The following CHST9 variants were observed in gnomAD, a reference collection of about 807,000 sequenced individuals.
CHST9 encodes the protein GalNAc-4-sulfotransferase 2.
CHST9 carries 41 observed loss-of-function variants against 44.4 expected under a neutral mutation model. The ratio of observed to expected loss-of-function variants is 0.92; its 90% confidence interval spans 0.72 to 1.20. CHST9 has a LOEUF of 1.20. Ranked by LOEUF, CHST9 falls within the 50% of genes most tolerant of loss-of-function variation. The probability of loss-of-function intolerance (pLI) is 0.00; values close to 1 mark genes in which losing one functional copy is unlikely to be tolerated. For synonymous variants in CHST9, 171 were observed against 178.4 expected (o/e 0.96, Z 0.33); for missense variants, 504 against 516.5 (o/e 0.98, Z 0.23).
chr18:27,144,162 G>A (rs1444227109), intron 1 of CHST9, among the ~76,000 whole-genome samples: 2 of 152,092 alleles, frequency 1.3e-5, no homozygotes, highest in East Asian at 3.9e-4. Context: ...ACCCCTCTGG[G>A]TGAGCCGAAT....
chr18:27,164,837 A>G (rs1423908177), intron 1 of CHST9, among the ~76,000 whole-genome samples: 2 of 152,216 alleles, frequency 1.3e-5, no homozygotes, highest in Admixed American at 6.5e-5. Flanking sequence ...AAAATTCTCA[A>G]GGAAAACAAT....
At chr18:27,145,552 C>A (rs536745500) in intron 1 of CHST9, among the ~76,000 whole-genome samples, 1 of 152,174 alleles carries the variant, frequency 6.6e-6, no homozygotes, top group African/African-American at 2.4e-5. Context: ...TGTTTGTCAG[C>A]GCTACCTAAG....
intron 2 of CHST9, among the ~76,000 whole-genome samples, chr18:27,140,482 A>T (rs2143862921): frequency 6.6e-6 from 1 of 152,350 alleles, no homozygotes. Flanking sequence ...CAGACTAAAC[A>T]CATTTCTGCA....
chr18:27,030,871 C>T (rs2057333370), intron 3 of CHST9, among the ~76,000 whole-genome samples: 1 of 152,192 alleles, frequency 6.6e-6, no homozygotes, highest in African/African-American at 2.4e-5. Flanking sequence ...TCACCTTCAC[C>T]TATACAATGC....
rs1215315255 is a variant in CHST9 at position 26,911,269 on chromosome 18, A to C, written c.*4990T>G. On this transcript the variant is annotated 3_prime_UTR_variant, in exon 6 of 6. Coordinates refer to ENST00000618847, the MANE Select transcript of CHST9 (RefSeq NM_031422.6). Reference sequence around the variant, plus strand: ...CCTTGCTAGACATGGTACAAAGTGCATTCAACAGACACAGTTCCTTTCCTC... The same window carrying C: ...CCTTGCTAGACATGGTACAAAGTGCCTTCAACAGACACAGTTCCTTTCCTC... 1 of 152,238 alleles carries C rather than the reference A, an allele frequency of 6.6e-6. No individual in the cohort carries two copies. The highest frequency in any genetic ancestry group is 1.5e-5 in the Non-Finnish European group (1 of 68,046). The allele number at this position is 152,238 out of a possible 1,614,324, so 9.4% of individuals were successfully genotyped here.
At chr18:27,126,659 G>A (rs911244608) in intron 2 of CHST9, among the ~76,000 whole-genome samples, 2 of 152,076 alleles carry the variant, frequency 1.3e-5, no homozygotes, top group Non-Finnish European at 2.9e-5. Context: ...ACATCATGAA[G>A]GGTTTTGATA....
chr18:26,951,275 T>G (rs574609935), intron 4 of CHST9, among the ~76,000 whole-genome samples: 1 of 152,288 alleles, frequency 6.6e-6, no homozygotes, highest in African/African-American at 2.4e-5. Context: ...TTCTCCAAAC[T>G]TTGCAGTGAG....
At chr18:26,949,491 A>G (rs2056213867) in intron 4 of CHST9, among the ~76,000 whole-genome samples, 1 of 152,106 alleles carries the variant, frequency 6.6e-6, no homozygotes, top group South Asian at 2.1e-4. Flanking sequence ...ACAGTCCTAG[A>G]AACATAGTGA....
intron 3 of CHST9, among the ~76,000 whole-genome samples, chr18:27,039,985 A>G (rs1219758589): frequency 6.6e-6 from 1 of 152,164 alleles, no homozygotes; most frequent in Admixed American, 6.6e-5. Context: ...ATTCGTTTTC[A>G]GAGAAGGCTT....
intron 2 of CHST9, among the ~76,000 whole-genome samples, chr18:27,125,740 C>T (rs1436407663): frequency 6.6e-6 from 1 of 152,188 alleles, no homozygotes; most frequent in Non-Finnish European, 1.5e-5. Flanking sequence ...AAATGGGAAG[C>T]TTCCTGAGAA....
intron 4 of CHST9, among the ~76,000 whole-genome samples, chr18:26,951,144 C>T (rs2056241755): frequency 6.6e-6 from 1 of 152,172 alleles, no homozygotes; most frequent in Non-Finnish European, 1.5e-5. Context: ...TGAGACACTT[C>T]TGTGCATTCA....
chr18:27,024,278 G>A (rs1245181715), intron 3 of CHST9, 121 bp from the exon 4 acceptor site: 4 of 724,496 alleles, frequency 5.5e-6, no homozygotes, highest in East Asian at 5.6e-5. Flanking sequence ...GAAAATGATG[G>A]GAAGGGAGAG....
intron 4 of CHST9, among the ~76,000 whole-genome samples, chr18:26,989,821 G>A (rs1019848024): frequency 2.6e-5 from 4 of 152,066 alleles, no homozygotes; most frequent in Non-Finnish European, 5.9e-5. Flanking sequence ...ATGGTGGCAG[G>A]TGCCTGTAAT....
chr18:27,121,077 C>A (rs917699127), intron 2 of CHST9, among the ~76,000 whole-genome samples: 3 of 152,200 alleles, frequency 2.0e-5, no homozygotes, highest in South Asian at 2.1e-4. Context: ...TCACGGCTCA[C>A]TGAAGCCTTG....
chr18:27,117,318 C>T (rs1052270257), intron 2 of CHST9, among the ~76,000 whole-genome samples: 1 of 151,946 alleles, frequency 6.6e-6, no homozygotes, highest in Non-Finnish European at 1.5e-5. Flanking sequence ...TTTCCATATA[C>T]CCCCTGCCCC....
At chr18:27,074,521 G>A (rs7238123) in intron 2 of CHST9, among the ~76,000 whole-genome samples, 54,436 of 151,818 alleles carry the variant, frequency 0.36, 10,317 homozygotes, top group East Asian at 0.51. Context: ...TCCTTCCCCC[G>A]TCTGTCAAAT....
chr18:27,041,102 C>A (rs961467084), intron 3 of CHST9, among the ~76,000 whole-genome samples: 1 of 152,094 alleles, frequency 6.6e-6, no homozygotes, highest in African/African-American at 2.4e-5. Context: ...ACAACTTCCA[C>A]GATAAATTAG....
chr18:27,117,422 T>C (rs1347559189), intron 2 of CHST9, among the ~76,000 whole-genome samples: 1 of 152,136 alleles, frequency 6.6e-6, no homozygotes. Context: ...TAGTTTACAT[T>C]GAGATTCACT....
chr18:26,961,346 A>C (rs1379901638), intron 4 of CHST9, among the ~76,000 whole-genome samples: 1 of 152,182 alleles, frequency 6.6e-6, no homozygotes, highest in Non-Finnish European at 1.5e-5. Flanking sequence ...AAGTCAGAGG[A>C]GATATACTTT....
Sources: gnomAD v4.1 joint callset for allele counts (sites outside exome capture counted in the v4.1 genomes callset) on GRCh38, gnomAD v4.1.1 for gene constraint, MANE v1.5 for transcripts, NCBI Gene and HGNC (gene_info 2026-07-23, HGNC 2026-07-21) for gene names.